Variants in FMN2 observed in about 807,000 individuals in gnomAD.
The protein encoded by FMN2 is formin 2.
In FMN2, 51 loss-of-function variants were observed where a neutral mutation model predicts 142.3. That is an observed-to-expected ratio of 0.36 (90% CI 0.29 to 0.45). The LOEUF (loss-of-function observed/expected upper bound fraction) is 0.45. FMN2 is among the 20% of genes least tolerant of loss of function. The probability of loss-of-function intolerance (pLI) is 1.00; values close to 1 mark genes in which losing one functional copy is unlikely to be tolerated. For missense variants in FMN2, 1,936 were observed against 2,122.8 expected (o/e 0.91, Z 1.73); for synonymous variants, 882 against 869.8 (o/e 1.01, Z -0.25).
chr1:240,098,436 A>G (rs769058446), intron 1 of FMN2, among the ~76,000 whole-genome samples: 1 of 152,046 alleles, frequency 6.6e-6, no homozygotes, highest in Non-Finnish European at 1.5e-5. Context: ...ACATTTTCTC[A>G]TACGGCTTGG....
rs780740552 is a variant in FMN2, at chr1:240,438,172, C to T, written c.5022C>T (p.Asp1674=). The T allele has an allele frequency of 3.7e-6, 6 of 1,613,934 alleles. No homozygotes were observed. The highest frequency in any genetic ancestry group is 2.2e-5 in the East Asian group (1 of 44,870). ...IWHEFSSDFK[D]FWKKENKLLL... ...ATGAATTCAGCTCTGACTTTAAAGA[C>T]TTCTGGAAGAAAGAGAACAAACTTC... is the stretch of plus-strand genomic sequence containing the variant. Residue 1674 remains aspartate (D), a synonymous_variant, in exon 16 of 18, where the codon GAC becomes GAT. Transcript: ENST00000319653.
At chr1:240,201,644 T>G (rs73112891) in intron 4 of FMN2, among the ~76,000 whole-genome samples, 4,526 of 152,304 alleles carry the variant, frequency 0.03, 241 homozygotes, top group African/African-American at 0.1. Context: ...TTAATTTTAA[T>G]AATTTGTGCA....
Position 240,141,508 on chromosome 1 carries a change from C to T in FMN2, c.1782+18163C>T, listed in dbSNP as rs527302750. 2.0e-5 allele frequency among the ~76,000 whole-genome samples: 3 copies of T among 152,126 alleles called. No homozygotes were observed. The East Asian group carries it at 5.8e-4, about 30-fold the overall frequency. On this transcript the variant is annotated intron_variant, in intron 2 of 17. Coordinates refer to ENST00000319653, the MANE Select transcript of FMN2 (RefSeq NM_020066.5). ...TCAGCCTCCCGAGTAGCTGGGATTA[C>T]AGGTGCCCGCCACCACACACAGCTA...
At chr1:240,234,324 G>A (rs1667626057) in intron 6 of FMN2, among the ~76,000 whole-genome samples, 2 of 152,134 alleles carry the variant, frequency 1.3e-5, no homozygotes, top group African/African-American at 4.8e-5. Flanking sequence ...AGGAGAAAAA[G>A]GTGAGAAGGG....
chr1:240,217,116 A>C (rs1332302805), intron 6 of FMN2, among the ~76,000 whole-genome samples: 1 of 152,214 alleles, frequency 6.6e-6, no homozygotes, highest in East Asian at 1.9e-4. Flanking sequence ...AATCTGGGAG[A>C]ACAAGAGTGG....
Position 240,241,825 on chromosome 1 carries a change from CTTTTTTTTTTTTT to C in FMN2, c.4066-16103_4066-16091del, listed in dbSNP as rs71567282. Among the ~76,000 whole-genome samples, 8 of 96,202 alleles carry C rather than the reference CTTTTTTTTTTTTT, an allele frequency of 8.3e-5. No homozygotes were observed. The South Asian group carries it at 1.0e-3, about 13-fold the overall frequency. The allele number at this position is 96,202 out of a possible 152,430, so 63.1% of individuals were successfully genotyped here. On this transcript the variant is annotated intron_variant, in intron 6 of 17. Coordinates refer to ENST00000319653, the MANE Select transcript of FMN2 (RefSeq NM_020066.5). ...ATTTTCTTTATTTTAGTGTGCCTTG[CTTTTTTTTTTTTT>C]TTTTTTTTTTTTTTTTGAGACGGAG... is the stretch of plus-strand genomic sequence containing the variant.
chr1:240,340,221 G>A (rs904588689), intron 13 of FMN2, among the ~76,000 whole-genome samples: 1 of 151,892 alleles, frequency 6.6e-6, no homozygotes, highest in Non-Finnish European at 1.5e-5. Context: ...TGCTATCATT[G>A]TTGCATCTTA....
intron 6 of FMN2, among the ~76,000 whole-genome samples, chr1:240,257,601 C>T (rs1166626855): frequency 6.6e-6 from 1 of 152,178 alleles, no homozygotes; most frequent in African/African-American, 2.4e-5. Flanking sequence ...TCTCAGGCTG[C>T]AAATGATCAT....
At chr1:240,127,006 G>A (rs1456730208) in intron 2 of FMN2, among the ~76,000 whole-genome samples, 1 of 152,162 alleles carries the variant, frequency 6.6e-6, no homozygotes, top group East Asian at 1.9e-4. Flanking sequence ...AAGTCCAAAG[G>A]GCCTTGGAGG....
At chr1:240,143,605 G>T (rs2103257283) in intron 2 of FMN2, 1 of 1,609,618 alleles carries the variant, frequency 6.2e-7, no homozygotes, top group Non-Finnish European at 8.5e-7. Flanking sequence ...ATCTACCAGT[G>T]TGTTGGCAAA....
intron 14 of FMN2, among the ~76,000 whole-genome samples, chr1:240,365,035 T>C (rs1672616267): frequency 6.6e-6 from 1 of 152,236 alleles, no homozygotes; most frequent in African/African-American, 2.4e-5. Flanking sequence ...CATAATGGAA[T>C]GTAAGTCTTC....
intron 14 of FMN2, among the ~76,000 whole-genome samples, chr1:240,361,123 T>TAATA (rs1254385346): frequency 1.7e-4 from 12 of 72,220 alleles, no homozygotes; most frequent in South Asian, 5.9e-4. Context: ...AGTATAATAA[T>TAATA]AATAAATAAA....
At chr1:240,394,500 A>G (rs1673707316) in intron 15 of FMN2, among the ~76,000 whole-genome samples, 1 of 152,196 alleles carries the variant, frequency 6.6e-6, no homozygotes, top group Admixed American at 6.5e-5. Flanking sequence ...AAAAGAGTGC[A>G]AGGTGAAGCA....
intron 15 of FMN2, among the ~76,000 whole-genome samples, chr1:240,407,397 C>A (rs1213893875): frequency 5.3e-5 from 8 of 152,118 alleles, no homozygotes; most frequent in Non-Finnish European, 8.8e-5. Context: ...CCTCGGCCCC[C>A]CAGAGTGCTA....
At chr1:240,263,862 G>C (rs780475454) in intron 7 of FMN2, among the ~76,000 whole-genome samples, 24 of 152,040 alleles carry the variant, frequency 1.6e-4, no homozygotes, top group Non-Finnish European at 3.4e-4. Flanking sequence ...TATATGTCCT[G>C]TCTAAAGCTA....
chr1:240,245,357 TGGGA>T, intron 6 of FMN2: 1 of 389,356 alleles, frequency 2.6e-6, no homozygotes, highest in South Asian at 1.9e-5. Flanking sequence ...CCGTACTCTC[TGGGA>T]GGAAGTGATG....
intron 2 of FMN2, among the ~76,000 whole-genome samples, chr1:240,154,049 G>A (rs1284517808): frequency 7.0e-6 from 1 of 142,364 alleles, no homozygotes; most frequent in Non-Finnish European, 1.5e-5. Context: ...GGCGGAGGTT[G>A]CAGTGAGCCG....
intron 1 of FMN2, among the ~76,000 whole-genome samples, chr1:240,104,037 T>C (rs1476620986): frequency 1.3e-5 from 2 of 151,444 alleles, no homozygotes; most frequent in South Asian, 2.1e-4. Context: ...CCACCTCGCC[T>C]GGCTAATCTT....
chr1:240,150,409 G>A (rs1315120042), intron 2 of FMN2, among the ~76,000 whole-genome samples: 1 of 152,110 alleles, frequency 6.6e-6, no homozygotes, highest in African/African-American at 2.4e-5. Flanking sequence ...TTATGAACAA[G>A]AAACAATGTC....
Sources: gnomAD v4.1 joint callset for allele counts (sites outside exome capture counted in the v4.1 genomes callset) on GRCh38, gnomAD v4.1.1 for gene constraint, MANE v1.5 for transcripts, NCBI Gene and HGNC (gene_info 2026-07-23, HGNC 2026-07-21) for gene names.